The following DEPDC5 variants were observed in gnomAD, a reference collection of about 807,000 sequenced individuals.
The protein encoded by DEPDC5 is DEP domain containing 5, GATOR1 subcomplex subunit.
Under a neutral mutation model 217.3 loss-of-function variants are expected in DEPDC5, and 73 were observed. That is an observed-to-expected ratio of 0.34 (90% CI 0.28 to 0.41). The LOEUF (loss-of-function observed/expected upper bound fraction) is 0.41, where lower values mean the gene tolerates loss of function less well. Among genes scored for constraint, DEPDC5 ranks in the 10% least tolerant of loss-of-function variants. The pLI, the probability that DEPDC5 is intolerant of heterozygous loss-of-function variation, is 1.00. For missense variants in DEPDC5, 1,675 were observed against 2,070.1 expected, an observed-to-expected ratio of 0.81 and a Z score of 3.70; for synonymous variants, 733 against 756.7, an observed-to-expected ratio of 0.97 and a Z score of 0.51.
chr22:31,870,525 T>C, intron 33 of DEPDC5, 65 bp from the exon 34 acceptor site: 1 of 1,443,274 alleles, frequency 6.9e-7, no homozygotes, highest in East Asian at 2.6e-5. Flanking sequence ...CCAGTACAGC[T>C]TATTTACTGT....
intron 15 of DEPDC5, 101 bp downstream of exon 15, chr22:31,802,939 C>T (rs2087039865): frequency 7.2e-7 from 1 of 1,382,182 alleles, no homozygotes; most frequent in African/African-American, 1.5e-5. Flanking sequence ...AGGAGCTCTA[C>T]ATAGTGTTCT....
Position 31,870,611 on chromosome 22 carries a change from A to G in DEPDC5, c.3352A>G (p.Thr1118Ala), listed in dbSNP as rs2092814418. ...YPQVSVDQTA[T>A]PMLDGTSLGI... The stretch of plus-strand genomic sequence containing the variant: ...GCAGGTATCTGTGGACCAAACAGCC[A>G]CTCCTATGTTGGACGGCACCAGTTT... The change falls in exon 34 of 43, where the codon ACT becomes GCT. Residue 1118 changes from threonine (T) to alanine (A), a missense_variant. By Grantham distance (58) the Thr-to-Ala change is moderately conservative. Around this residue, in one of 11 missense-constraint regions of DEPDC5, gnomAD observed 126 missense variants for 113.8 expected, o/e 1.11. Transcript: ENST00000651528. 1 of 1,546,448 alleles carries G rather than the reference A, an allele frequency of 6.5e-7. No individual in the cohort carries two copies. The highest frequency in any genetic ancestry group is 8.7e-7 in the Non-Finnish European group (1 of 1,150,500).
intron 14 of DEPDC5, 120 bp from the exon 15 acceptor site, chr22:31,802,584 G>A: frequency 8.7e-7 from 1 of 1,151,274 alleles, no homozygotes; most frequent in Non-Finnish European, 1.2e-6. Flanking sequence ...TAACTAGAAT[G>A]TGGCAGTTGC....
chr22:31,838,747 G>A lies in DEPDC5; in HGVS notation c.2417G>A (p.Arg806His). 10 of 1,614,074 alleles carry A rather than the reference G, an allele frequency of 6.2e-6. No individual in the cohort carries two copies. Among genetic ancestry groups the A allele is most frequent in the Non-Finnish European group, 8.5e-6 (10 of 1,180,006 alleles). The change falls in exon 27 of 43, where the codon CGT becomes CAT. Residue 806 changes from arginine (R) to histidine (H), a missense_variant. By Grantham distance (29) the Arg-to-His change is conservative (BLOSUM62 0). Transcript: ENST00000651528. ...GTATTTGAAGAGTTTATTTGCCAACGTCTCATGCAGGGCTACCAAATCATA... is the reference window on the plus strand; with the variant it reads ...GTATTTGAAGAGTTTATTTGCCAACATCTCATGCAGGGCTACCAAATCATA... Reference protein sequence around the residue: ...QQVFEEFICQRLMQGYQIIVQ... With the variant: ...QQVFEEFICQHLMQGYQIIVQ...
intron 31 of DEPDC5, among the ~76,000 whole-genome samples, chr22:31,852,557 T>G (rs2092087581): frequency 6.6e-6 from 1 of 152,172 alleles, no homozygotes; most frequent in Non-Finnish European, 1.5e-5. Flanking sequence ...CAGGCTGATC[T>G]TGAACTCCCG....
chr22:31,783,862 C>G (rs1569519231), intron 8 of DEPDC5, 45 bp from the exon 9 acceptor site: 11 of 1,539,142 alleles, frequency 7.1e-6, no homozygotes, highest in Non-Finnish European at 8.9e-6. Context: ...AGAACTGAAA[C>G]TGTATATGGC....
intron 31 of DEPDC5, among the ~76,000 whole-genome samples, chr22:31,848,308 T>C (rs1213798215): frequency 2.6e-5 from 4 of 152,218 alleles, no homozygotes; most frequent in Non-Finnish European, 1.5e-5. Context: ...CACTAGGCAG[T>C]GCCCCAGTGG....
chr22:31,824,047 C>T (rs915261562), intron 24 of DEPDC5, among the ~76,000 whole-genome samples: 2 of 152,172 alleles, frequency 1.3e-5, no homozygotes, highest in African/African-American at 4.8e-5. Flanking sequence ...ATTTCTAAAA[C>T]CTAGCTTAAG....
At chr22:31,760,544 G>A in intron 3 of DEPDC5, 112 bp from the exon 4 acceptor site, 1 of 889,402 alleles carries the variant, frequency 1.1e-6, no homozygotes. Context: ...CCGTTGTTGT[G>A]CTGTAAGTCA....
In DEPDC5 at chr22:31,822,848, A is replaced by C. The variant is rs2089830042; in HGVS notation, c.2104+58A>C. 28 of 1,546,254 alleles carry C rather than the reference A, an allele frequency of 1.8e-5. No individual in the cohort carries two copies. The South Asian group carries it at 2.9e-4, about 16-fold the overall frequency. ...GTTTAGATCAGGCTCACATCTGGAA[A>C]TGACACAAGGGCCAGAAAAGCAGGG... On this transcript the variant is annotated intron_variant, in intron 24 of 42. Transcript: ENST00000651528.
In DEPDC5 at chr22:31,765,043, A is replaced by G. The variant is rs144712084; in HGVS notation, c.262A>G (p.Asn88Asp). Residue 88 changes from asparagine (N) to aspartate (D), a missense_variant, in exon 5 of 43, where the codon AAT becomes GAT. Physicochemically the swap from Asn to Asp is conservative, Grantham distance 23. Coordinates refer to ENST00000651528, the MANE Select transcript of DEPDC5 (RefSeq NM_001242896.3). ...GAGACCTTATCAGGATGTCTATGTT[A>G]ATGTCGTAGACCCTAAGGTATGTCT... is the stretch of plus-strand genomic sequence containing the variant. ...RLRPYQDVYV[N>D]VVDPKDVTLD... The G allele has an allele frequency of 1.8e-4, 292 of 1,613,846 alleles. 1 individual carries two copies. The African/African-American group carries it at 3.6e-3, about 20-fold the overall frequency.
In DEPDC5 at chr22:31,893,761, T is replaced by C; in HGVS notation, c.4203+10T>C. On this transcript the variant is annotated intron_variant, in intron 39 of 42. Transcript: ENST00000651528. ...AGTACTCTTCGAGATGGTGAGAACC[T>C]TCATGCATGTTGTCAGGCCTTTGGC... 1 of 1,587,454 alleles carries C rather than the reference T, an allele frequency of 6.3e-7. No homozygotes were observed. The highest frequency in any genetic ancestry group is 8.6e-7 in the Non-Finnish European group (1 of 1,168,048).
intron 18 of DEPDC5, among the ~76,000 whole-genome samples, chr22:31,809,050 G>A (rs2087921186): frequency 6.6e-6 from 1 of 152,184 alleles, no homozygotes. Flanking sequence ...TTACAGGCGT[G>A]AACCACTGTG....
chr22:31,802,977 T>C, intron 15 of DEPDC5, 139 bp downstream of exon 15: 3 of 1,187,448 alleles, frequency 2.5e-6, no homozygotes, highest in Non-Finnish European at 3.3e-6. Context: ...TGGATGTCAA[T>C]AGGTGTCAGG....
At chr22:31,776,139 T>G (rs2083827991) in intron 7 of DEPDC5, among the ~76,000 whole-genome samples, 1 of 151,400 alleles carries the variant, frequency 6.6e-6, no homozygotes, top group Non-Finnish European at 1.5e-5. Flanking sequence ...TTTGCAATAG[T>G]CTCACTCTGT....
rs562630741 is a variant in DEPDC5 at position 31,880,713 on chromosome 22, A to G, written c.4033+961A>G. 3.9e-5 allele frequency among the ~76,000 whole-genome samples: 6 copies of G among 152,098 alleles called. 1 individual carries two copies. The South Asian group carries it at 1.2e-3, about 32-fold the overall frequency. On this transcript the variant is annotated intron_variant, in intron 38 of 42. Transcript: ENST00000651528. ...TCAGGAGTTCAAGACCAGCCTGACC[A>G]ACATAGTGAAACCCTCTCTATATTA...
At chr22:31,816,592 G>C (rs2089155919) in intron 21 of DEPDC5, 1 of 151,854 alleles carries the variant, frequency 6.6e-6, no homozygotes, top group African/African-American at 2.4e-5. Context: ...CACCACACCA[G>C]CTAATTTTTG....
chr22:31,771,715 T>TCACACACACACACACACACA (rs55851105), intron 7 of DEPDC5, among the ~76,000 whole-genome samples: 2 of 78,090 alleles, frequency 2.6e-5, no homozygotes, highest in East Asian at 3.7e-4. Flanking sequence ...CAAGACTCCG[T>TCACACACACACACACACACA]CACACACACA....
At chr22:31,755,525 G>T (rs1240651813) in intron 2 of DEPDC5, 1 of 152,238 alleles carries the variant, frequency 6.6e-6, no homozygotes, top group Non-Finnish European at 1.5e-5. Context: ...AAAGTTGAAG[G>T]GCTTTAGAAT....
Sources: allele counts gnomAD v4.1 joint callset (sites outside exome capture counted in the v4.1 genomes callset), GRCh38; gene constraint gnomAD v4.1.1; regional missense constraint gnomAD v4.1.1; transcripts MANE v1.5; gene names NCBI Gene and HGNC (gene_info 2026-07-23, HGNC 2026-07-21).